TPR: variants seen among roughly 807,000 people sequenced by gnomAD.
The protein encoded by TPR is translocated promoter region, nuclear basket protein.
A neutral mutation model predicts 316.1 loss-of-function variants in TPR; 51 were observed. The observed-to-expected ratio is 0.16, with a 90% confidence interval of 0.13 to 0.20. The LOEUF (loss-of-function observed/expected upper bound fraction) is 0.20, where lower values mean the gene tolerates loss of function less well. TPR is among the 10% of genes least tolerant of loss of function. The pLI, the probability that TPR is intolerant of heterozygous loss-of-function variation, is 1.00. For synonymous variants in TPR, 981 were observed against 914.7 expected, an observed-to-expected ratio of 1.07 and a Z score of -1.31; for missense variants, 2,272 against 2,754.8, an observed-to-expected ratio of 0.82 and a Z score of 3.92.
rs1041346447 is a variant in TPR, at chr1:186,332,140, G to C, written c.5604+55C>G. ...ATTTTCTTTAGGCTGTAGCTGAAAA[G>C]AGTACCTTAACTCTACTGGTAAAAG... On this transcript the variant is annotated intron_variant, in intron 38 of 50. Coordinates refer to ENST00000367478, the MANE Select transcript of TPR (RefSeq NM_003292.3). The C allele has an allele frequency of 3.9e-6, 6 of 1,531,198 alleles. No homozygotes were observed. The African/African-American group carries it at 8.4e-5, about 22-fold the overall frequency. The allele number at this position is 1,531,198 out of a possible 1,614,324, so 94.9% of individuals were successfully genotyped here.
Position 186,355,668 on chromosome 1 carries a change from T to C in TPR, c.1989A>G (p.Thr663=). Residue 663 remains threonine, a synonymous_variant, in exon 16 of 51, where the codon ACA becomes ACG. Transcript: ENST00000367478. ...GGGCAGCCTTAGCCTCTATAGCCTCTGTTGATTCAATAACAGGTACTGGAG... is the reference window on the plus strand; with the variant it reads ...GGGCAGCCTTAGCCTCTATAGCCTCCGTTGATTCAATAACAGGTACTGGAG... The part of the protein sequence containing the change: ...TPAPVPVIES[T]EAIEAKAALK... 1 of 1,614,164 alleles carries C rather than the reference T, an allele frequency of 6.2e-7. No individual in the cohort carries two copies. Among genetic ancestry groups the C allele is most frequent in the South Asian group, 1.1e-5 (1 of 91,086 alleles).
At position 186,311,885 on chromosome 1, in the gene TPR, C is replaced by T. The variant is rs1657265891; in HGVS notation, c.*2086G>A. The T allele has an allele frequency of 1.8e-6, 1 of 545,552 alleles. No individual in the cohort carries two copies. Among genetic ancestry groups the T allele is most frequent in the Non-Finnish European group, 3.2e-6 (1 of 309,572 alleles). 33.8% of individuals were successfully genotyped at this position (545,552 alleles called of 1,614,324 possible). On this transcript the variant is annotated 3_prime_UTR_variant, in exon 51 of 51. Coordinates refer to ENST00000367478, the MANE Select transcript of TPR (RefSeq NM_003292.3). ...CCTTGCACAAGGGCCATGCTAATCT[C>T]TGTATCATTCCAGTTTTAGTATATG...
intron 40 of TPR, among the ~76,000 whole-genome samples, 194 bp downstream of exon 40, chr1:186,327,266 A>ATATTTATATATAATATATATAAATATAT (rs1658016684): frequency 3.7e-3 from 1 of 272 alleles, no homozygotes; most frequent in African/African-American, 7.7e-3. Flanking sequence ...AATATATAAT[A>ATATTTATATATAATATATATAAATATAT]TATATATTTA....
chr1:186,371,441 T>C (rs1475215077), intron 2 of TPR, among the ~76,000 whole-genome samples: 2 of 152,148 alleles, frequency 1.3e-5, no homozygotes, highest in Non-Finnish European at 2.9e-5. Context: ...CTATATAACA[T>C]GTATATACAG....
chr1:186,353,769 G>A lies in TPR; in HGVS notation c.2253C>T (p.Ala751=), dbSNP rs1658943657. The A allele has an allele frequency of 6.2e-7, 1 of 1,613,932 alleles. No individual in the cohort carries two copies. Residue 751 remains alanine (A), a synonymous_variant, in exon 18 of 51, where the codon GCC becomes GCT. Transcript: ENST00000367478. ...SLHERNQKLT[A]TTQKQEQIIN... The stretch of plus-strand genomic sequence containing the variant: ...TAATCTGTTCTTGCTTTTGAGTTGT[G>A]GCAGTGAGTTTCTGATTTCTCTCAT...
chr1:186,365,091 A>T (rs962952533), intron 4 of TPR, among the ~76,000 whole-genome samples: 1 of 133,226 alleles, frequency 7.5e-6, no homozygotes, highest in Non-Finnish European at 1.6e-5. Context: ...CTTGCTAGTA[A>T]AGGGGCTGCC....
In TPR at chr1:186,351,487, A is replaced by G; in HGVS notation, c.2470-17T>C. 1.9e-6 allele frequency: 3 copies of G among 1,540,024 alleles called. No homozygotes were observed. Among genetic ancestry groups the G allele is most frequent in the South Asian group, 1.3e-5 (1 of 76,616 alleles). Reference sequence around the variant, plus strand: ...CAGTATTCCCTAAAGCAAAGAAAAGATTTTTGGTTATGCTTAAGAAAAAGG... The same window carrying G: ...CAGTATTCCCTAAAGCAAAGAAAAGGTTTTTGGTTATGCTTAAGAAAAAGG... On this transcript the variant is annotated splice_polypyrimidine_tract_variant and intron_variant, in intron 19 of 50. Transcript: ENST00000367478.
At chr1:186,352,418 A>G (rs1658889022) in intron 18 of TPR, among the ~76,000 whole-genome samples, 1 of 152,200 alleles carries the variant, frequency 6.6e-6, no homozygotes, top group African/African-American at 2.4e-5. Context: ...GCAGAATTGC[A>G]TGACTGCTGT....
chr1:186,364,542 A>C (rs1659281042), intron 4 of TPR, among the ~76,000 whole-genome samples: 1 of 152,226 alleles, frequency 6.6e-6, no homozygotes, highest in Admixed American at 6.5e-5. Flanking sequence ...TATAGACTCT[A>C]ATATGATACG....
In TPR at chr1:186,371,075, C is replaced by G. The variant is rs998664501; in HGVS notation, c.257-32G>C. On this transcript the variant is annotated intron_variant, in intron 2 of 50. Coordinates refer to ENST00000367478, the MANE Select transcript of TPR (RefSeq NM_003292.3). ...AAAAGGAATTTTATGAATACATACA[C>G]ATTTGCTTAAAACTTGCAATGAGTG... The G allele has an allele frequency of 3.8e-6, 6 of 1,564,908 alleles. 1 individual carries two copies. Among genetic ancestry groups the G allele is most frequent in the Non-Finnish European group, 5.3e-6 (6 of 1,137,382 alleles).
At chr1:186,333,989 A>G (rs935360284) in intron 36 of TPR, among the ~76,000 whole-genome samples, 6 of 152,190 alleles carry the variant, frequency 3.9e-5, no homozygotes, top group African/African-American at 1.4e-4. Context: ...TGTATACCAC[A>G]GAATAAAATA....
intron 22 of TPR, 21 bp from the exon 23 acceptor site, chr1:186,346,308 T>G (rs1465499974): frequency 6.3e-7 from 1 of 1,589,174 alleles, no homozygotes; most frequent in African/African-American, 1.4e-5. Context: ...TTACAAACAG[T>G]AGGATATAAA....
In TPR at chr1:186,361,828, A is replaced by G; in HGVS notation, c.831T>C (p.Asn277=). 3.1e-6 allele frequency: 5 copies of G among 1,613,122 alleles called. No individual in the cohort carries two copies. The highest frequency in any genetic ancestry group is 4.2e-6 in the Non-Finnish European group (5 of 1,179,296). The change falls in exon 8 of 51, where the codon AAT becomes AAC. Residue 277 remains asparagine (N), a synonymous_variant. Coordinates refer to ENST00000367478, the MANE Select transcript of TPR (RefSeq NM_003292.3). ...QQASMEEKFH[N]ELNAHIKLSN... is the part of the protein sequence containing the mutation. ...AAAGTTTTATGTGGGCATTTAATTC[A>G]TTGTGGAATTTCTCTTCCATACTGG...
chr1:186,312,039 CATT>C lies in TPR; in HGVS notation c.*1929_*1931del, dbSNP rs200965271. 2,245 of 675,904 alleles carry C rather than the reference CATT, an allele frequency of 3.3e-3. 71 individuals carry two copies. The Admixed American group carries it at 0.054, about 16-fold the overall frequency. The allele number at this position is 675,904 out of a possible 1,614,324, so 41.9% of individuals were successfully genotyped here. A position where few individuals can be genotyped will look rare whatever the true frequency, so the allele number is the denominator to read the frequency against. ...TTTTATAATACCCTTGACTAATAGC[CATT>C]ATTAATATCAATATATTATATGAAA... On this transcript the variant is annotated 3_prime_UTR_variant, in exon 51 of 51. Transcript: ENST00000367478.
chr1:186,370,382 G>C (rs1295828623), intron 3 of TPR, among the ~76,000 whole-genome samples: 1 of 151,966 alleles, frequency 6.6e-6, no homozygotes, highest in Non-Finnish European at 1.5e-5. Flanking sequence ...GAGTTTTCTT[G>C]GGTATTGAGT....
chr1:186,343,084 C>T (rs189469632), intron 27 of TPR: 33 of 361,916 alleles, frequency 9.1e-5, no homozygotes, highest in African/African-American at 6.3e-4. Flanking sequence ...GGAAGTTAAA[C>T]AATGTACCCA....
chr1:186,337,676 A>T (rs1488790504), intron 31 of TPR, among the ~76,000 whole-genome samples: 2 of 152,018 alleles, frequency 1.3e-5, no homozygotes, highest in African/African-American at 4.8e-5. Context: ...TATAACAAAG[A>T]TTTCTGAATT....
At position 186,341,349 on chromosome 1, in the gene TPR, T is replaced by G; in HGVS notation, c.3791A>C (p.Lys1264Thr). The G allele has an allele frequency of 6.2e-7, 1 of 1,613,786 alleles. No homozygotes were observed. Among genetic ancestry groups the G allele is most frequent in the Non-Finnish European group, 8.5e-7 (1 of 1,179,990 alleles). The change falls in exon 28 of 51, where the codon AAG becomes ACG. Residue 1264 changes from lysine to threonine, a missense_variant. Lys to Thr is a moderately conservative substitution (Grantham distance 78). Transcript: ENST00000367478. ...AACTACATTCATTGTTTCAGTTTTC[T>G]TCATCAGTTCTTCATGCTGAGCCAT... ...KTMAQHEELMKKTETMNVVME... is the reference protein window; with the variant it reads ...KTMAQHEELMTKTETMNVVME...
intron 42 of TPR, 76 bp from the exon 43 acceptor site, chr1:186,323,946 A>C: frequency 7.1e-7 from 1 of 1,401,896 alleles, no homozygotes; most frequent in Non-Finnish European, 9.6e-7. Flanking sequence ...TAGAAGTATA[A>C]ATCTTGCCAA....
Sources: allele counts gnomAD v4.1 joint callset (sites outside exome capture counted in the v4.1 genomes callset), GRCh38; gene constraint gnomAD v4.1.1; transcripts MANE v1.5; gene names NCBI Gene and HGNC (gene_info 2026-07-23, HGNC 2026-07-21).